EIF4G3: variants seen among roughly 807,000 people sequenced by gnomAD.
The protein encoded by EIF4G3 is eIF-4-gamma 3.
In EIF4G3, 34 loss-of-function variants were observed where a neutral mutation model predicts 186.4. That is an observed-to-expected ratio of 0.18 (90% confidence interval 0.14 to 0.24). The LOEUF is 0.24. Ranked by LOEUF, EIF4G3 falls within the 10% of genes least tolerant of loss-of-function variation. The pLI, the probability that EIF4G3 is intolerant of heterozygous loss-of-function variation, is 1.00. For synonymous variants in EIF4G3, 673 were observed against 679.5 expected (o/e 0.99, Z 0.15); for missense variants, 1,536 against 1,948.5 (o/e 0.79, Z 3.99).
chr1:20,858,288 T>C (rs1035834172), intron 24 of EIF4G3, among the ~76,000 whole-genome samples: 2 of 152,156 alleles, frequency 1.3e-5, no homozygotes, highest in East Asian at 1.9e-4. Flanking sequence ...TAAGTCCCCA[T>C]CTTCTACCAC....
At chr1:21,101,206 G>A (rs1344116540) in intron 2 of EIF4G3, among the ~76,000 whole-genome samples, 3 of 152,016 alleles carry the variant, frequency 2.0e-5, no homozygotes, top group African/African-American at 7.2e-5. Flanking sequence ...CCAAAGTGCT[G>A]GGATTACAGG....
Position 20,981,148 on chromosome 1 carries a change from G to A in EIF4G3, c.278C>T (p.Thr93Ile). 2 of 1,613,768 alleles carry A rather than the reference G, an allele frequency of 1.2e-6. No individual in the cohort carries two copies. The highest frequency in any genetic ancestry group is 1.7e-6 in the Non-Finnish European group (2 of 1,179,866). The part of the protein sequence containing the change: ...SSPSIRPGAQ[T>I]PTAVYQANQH... ...ATTAGCCTGGTACACTGCAGTGGGT[G>A]TCTGTGCACCAGGACGAATGGAAGG... is the stretch of plus-strand genomic sequence containing the variant. The change falls in exon 9 of 37, where the codon ACA becomes ATA. Residue 93 changes from threonine to isoleucine, a missense_variant. This residue lies in a region of EIF4G3 where 194 missense variants were observed against 212.8 expected (regional missense o/e 0.91). Transcript: ENST00000602326.
intron 36 of EIF4G3, 133 bp from the exon 37 acceptor site, chr1:20,807,633 C>T: frequency 1.4e-6 from 1 of 724,728 alleles, no homozygotes; most frequent in Non-Finnish European, 2.0e-6. Context: ...TGACAATTCA[C>T]CATACTTGCT....
At chr1:20,903,320 T>C (rs766869708) in intron 15 of EIF4G3, among the ~76,000 whole-genome samples, 7 of 152,184 alleles carry the variant, frequency 4.6e-5, no homozygotes, top group Non-Finnish European at 2.9e-5. Flanking sequence ...AAAAGTTTGG[T>C]GAACCTCAAG....
Position 20,981,189 on chromosome 1 carries a change from G to A in EIF4G3, c.237C>T (p.Thr79=). The A allele has an allele frequency of 1.9e-6, 3 of 1,613,470 alleles. No homozygotes were observed. Among genetic ancestry groups the A allele is most frequent in the African/African-American group, 1.3e-5 (1 of 74,922 alleles). ...QRPQIQPPRA[T]IPNSSPSIRP... ...GAATGGAAGGACTGCTGTTCGGGAT[G>A]GTAGCTCTAGGAGGCTGTATTTGAG... The change falls in exon 9 of 37, where the codon ACC becomes ACT. Residue 79 remains threonine, a synonymous_variant. Coordinates refer to ENST00000602326, the MANE Select transcript of EIF4G3 (RefSeq NM_001391906.1).
intron 7 of EIF4G3, among the ~76,000 whole-genome samples, chr1:20,986,853 A>G (rs1470680537): frequency 6.6e-6 from 1 of 152,062 alleles, no homozygotes; most frequent in Non-Finnish European, 1.5e-5. Context: ...AGAGCCATGT[A>G]CAACATAAAA....
At chr1:21,101,498 A>T (rs949806802) in intron 2 of EIF4G3, among the ~76,000 whole-genome samples, 2 of 138,026 alleles carry the variant, frequency 1.4e-5, no homozygotes, top group Admixed American at 1.6e-4. Context: ...CGAACCCAGG[A>T]GGTAGAGGTT....
At chr1:20,855,296 G>C (rs1029070145) in intron 25 of EIF4G3, among the ~76,000 whole-genome samples, 2 of 152,040 alleles carry the variant, frequency 1.3e-5, no homozygotes, top group Admixed American at 6.6e-5. Flanking sequence ...AAACTGTTTG[G>C]TCTAGAGAAT....
intron 12 of EIF4G3, among the ~76,000 whole-genome samples, chr1:20,963,821 G>T (rs2073997192): frequency 6.6e-6 from 1 of 151,476 alleles, no homozygotes; most frequent in Non-Finnish European, 1.5e-5. Flanking sequence ...TGGCGTGGTG[G>T]CACATGCCTG....
intron 16 of EIF4G3, among the ~76,000 whole-genome samples, chr1:20,896,311 A>G (rs2088002785): frequency 6.6e-6 from 1 of 151,614 alleles, no homozygotes; most frequent in Non-Finnish European, 1.5e-5. Flanking sequence ...GTGACATGCA[A>G]CTGTAGTCCC....
At chr1:20,987,778 A>G (rs2079922206) in intron 7 of EIF4G3, among the ~76,000 whole-genome samples, 1 of 152,180 alleles carries the variant, frequency 6.6e-6, no homozygotes, top group African/African-American at 2.4e-5. Context: ...ATGGAAATTA[A>G]TAACTGAACA....
intron 14 of EIF4G3, among the ~76,000 whole-genome samples, chr1:20,926,681 A>G (rs1037454723): frequency 2.1e-5 from 1 of 47,400 alleles, no homozygotes; most frequent in African/African-American, 5.7e-5. Context: ...AAAAGAAAAG[A>G]AAAAAAAAAA....
chr1:21,019,720 T>C (rs974259599), intron 4 of EIF4G3, among the ~76,000 whole-genome samples: 2 of 151,936 alleles, frequency 1.3e-5, no homozygotes, highest in African/African-American at 4.8e-5. Flanking sequence ...CTGTCTCTAC[T>C]AAAAATACAA....
chr1:20,890,108 G>A (rs1298181053), intron 18 of EIF4G3, among the ~76,000 whole-genome samples: 1 of 151,664 alleles, frequency 6.6e-6, no homozygotes, highest in Admixed American at 6.6e-5. Context: ...GAGTAGCTGG[G>A]ATTACAGACA....
chr1:21,075,296 G>C (rs1175519477), intron 3 of EIF4G3, among the ~76,000 whole-genome samples: 1 of 151,928 alleles, frequency 6.6e-6, no homozygotes, highest in Non-Finnish European at 1.5e-5. Context: ...GGGCCGGGCA[G>C]GGTGGCTCAT....
At chr1:21,055,332 T>C (rs1419627109) in intron 3 of EIF4G3, among the ~76,000 whole-genome samples, 1 of 152,104 alleles carries the variant, frequency 6.6e-6, no homozygotes, top group African/African-American at 2.4e-5. Flanking sequence ...GTTAACTATA[T>C]AAAATCTATC....
chr1:20,920,484 G>T (rs1449053686), intron 14 of EIF4G3, among the ~76,000 whole-genome samples: 1 of 152,122 alleles, frequency 6.6e-6, no homozygotes, highest in African/African-American at 2.4e-5. Flanking sequence ...ATAGAAGAGA[G>T]AATAGAATAA....
intron 2 of EIF4G3, among the ~76,000 whole-genome samples, chr1:21,119,432 C>A (rs1367187154): frequency 6.6e-6 from 1 of 152,068 alleles, no homozygotes; most frequent in African/African-American, 2.4e-5. Flanking sequence ...GTACAGTTTG[C>A]AACCTAATTT....
At chr1:20,842,262 A>C (rs2068885032) in intron 29 of EIF4G3, among the ~76,000 whole-genome samples, 1 of 152,184 alleles carries the variant, frequency 6.6e-6, no homozygotes, top group East Asian at 1.9e-4. Flanking sequence ...CCGACTTTAC[A>C]TGTTATGTTG....
Sources: gnomAD v4.1 joint callset for allele counts (sites outside exome capture counted in the v4.1 genomes callset) on GRCh38, gnomAD v4.1.1 for gene constraint, gnomAD v4.1.1 regional missense constraint, MANE v1.5 for transcripts, NCBI Gene and HGNC (gene_info 2026-07-23, HGNC 2026-07-21) for gene names.